Variants in CRISPLD2 observed in about 807,000 individuals in gnomAD.
The protein encoded by CRISPLD2 is cysteine rich secretory protein LCCL domain containing 2, also known as cysteine-rich secretory protein LCCL domain-containing 2.
A neutral mutation model predicts 71.1 loss-of-function variants in CRISPLD2; 47 were observed. The observed-to-expected ratio is 0.66, with a 90% CI of 0.52 to 0.84. The LOEUF (loss-of-function observed/expected upper bound fraction) is 0.84. Ranked by LOEUF, CRISPLD2 falls within the 40% of genes least tolerant of loss-of-function variation. The pLI, the probability that CRISPLD2 is intolerant of heterozygous loss-of-function variation, is 0.00. For missense variants in CRISPLD2, 830 were observed against 651.1 expected (o/e 1.27, Z -2.99); for synonymous variants, 317 against 250.1 (o/e 1.27, Z -2.52).
At chr16:84,880,413 C>T (rs189050085) in intron 12 of CRISPLD2, 96 bp from the exon 13 acceptor site, 164 of 938,250 alleles carry the variant, frequency 1.7e-4, no homozygotes, top group Middle Eastern at 2.3e-4. Context: ...CTTTCATCTA[C>T]GAACTTAAAT....
chr16:84,876,671 T>C (rs895300233), intron 11 of CRISPLD2, among the ~76,000 whole-genome samples: 14 of 151,686 alleles, frequency 9.2e-5, no homozygotes, highest in Non-Finnish European at 1.8e-4. Flanking sequence ...CAGGCGCCTC[T>C]AATCCCAGCT....
chr16:84,874,089 T>G (rs970264931), intron 11 of CRISPLD2, 126 bp downstream of exon 11: 6 of 857,446 alleles, frequency 7.0e-6, no homozygotes, highest in Non-Finnish European at 3.7e-6. Flanking sequence ...TTCTCATCAT[T>G]GTCAAGCCTT....
At chr16:84,848,460 T>TAA (rs33922205) in intron 3 of CRISPLD2, among the ~76,000 whole-genome samples, 70,098 of 144,744 alleles carry the variant, frequency 0.48, 17,758 homozygotes, top group Middle Eastern at 0.65. Flanking sequence ...CCCTAGTTAT[T>TAA]AAAAAAAAAA....
At chr16:84,867,852 C>T (rs1597467570) in intron 7 of CRISPLD2, among the ~76,000 whole-genome samples, 1 of 152,336 alleles carries the variant, frequency 6.6e-6, no homozygotes, top group East Asian at 1.9e-4. Context: ...CACCTCAGCT[C>T]CCCAAGCTTT....
At chr16:84,883,557 C>A (rs1356154080) in intron 13 of CRISPLD2, among the ~76,000 whole-genome samples, 1 of 152,180 alleles carries the variant, frequency 6.6e-6, no homozygotes, top group Non-Finnish European at 1.5e-5. Flanking sequence ...CAGAATCCAC[C>A]CCCGCGCCTG....
chr16:84,904,059 C>T (rs975636261), intron 14 of CRISPLD2, among the ~76,000 whole-genome samples: 1 of 152,128 alleles, frequency 6.6e-6, no homozygotes, highest in African/African-American at 2.4e-5. Context: ...GCCAGTTGGT[C>T]CAAAGGTGCA....
intron 3 of CRISPLD2, chr16:84,846,162 C>G (rs932403373): frequency 8.5e-6 from 3 of 352,860 alleles, no homozygotes; most frequent in Non-Finnish European, 1.5e-5. Context: ...TTCTTCCTTT[C>G]CTTCTTCCTT....
rs183136975 is a variant in CRISPLD2 at position 84,822,066 on chromosome 16, C to T, written c.-75+1933C>T. Among the ~76,000 whole-genome samples, 236 of 152,292 alleles carry T rather than the reference C, an allele frequency of 1.5e-3. 2 individuals carry two copies. The highest frequency in any genetic ancestry group is 5.1e-3 in the African/African-American group (213 of 41,564). On this transcript the variant is annotated intron_variant, in intron 1 of 14. Transcript: ENST00000262424. ...TTGCTGCTAGTTGAGGCTTTCTGTG[C>T]CATGTGGGAGTTTTTTTAACGTTGG... is the stretch of plus-strand genomic sequence containing the variant.
At chr16:84,869,005 C>G (rs1175319259) in intron 8 of CRISPLD2, 94 bp downstream of exon 8, 3 of 1,098,388 alleles carry the variant, frequency 2.7e-6, no homozygotes, top group African/African-American at 3.3e-5. Context: ...CTGGGCTGTC[C>G]TGCTGTTGCA....
At chr16:84,893,855 C>G (rs2071683286) in intron 14 of CRISPLD2, among the ~76,000 whole-genome samples, 1 of 152,194 alleles carries the variant, frequency 6.6e-6, no homozygotes, top group South Asian at 2.1e-4. Flanking sequence ...CTGTGGAAAC[C>G]CAGCCTGGAG....
intron 6 of CRISPLD2, among the ~76,000 whole-genome samples, chr16:84,863,973 A>T (rs1415351942): frequency 4.8e-5 from 7 of 146,946 alleles, no homozygotes; most frequent in African/African-American, 1.8e-4. Flanking sequence ...AAAAAAAAAA[A>T]AAGAAAGAAA....
At position 84,889,285 on chromosome 16, in the gene CRISPLD2, G is replaced by A. The variant is rs1396864570; in HGVS notation, c.1361G>A (p.Gly454Glu). The change falls in exon 14 of 15, where the codon GGG becomes GAG. Residue 454 changes from glycine to glutamate, a missense_variant. Coordinates refer to ENST00000262424, the MANE Select transcript of CRISPLD2 (RefSeq NM_031476.4). ...VHAGVISNES[G>E]GDVDVMPVDK... ...GCGGGAGTCATCAGCAACGAGAGTG[G>A]GGGTGACGTGGACGTGATGCCCGTG... 2 of 1,614,110 alleles carry A rather than the reference G, an allele frequency of 1.2e-6. No homozygotes were observed. The highest frequency in any genetic ancestry group is 1.1e-5 in the South Asian group (1 of 91,076).
chr16:84,831,516 C>A (rs557288036), intron 1 of CRISPLD2, among the ~76,000 whole-genome samples: 1 of 152,214 alleles, frequency 6.6e-6, no homozygotes, highest in African/African-American at 2.4e-5. Context: ...GTCTCAGCCC[C>A]TCCACGAGTA....
intron 14 of CRISPLD2, among the ~76,000 whole-genome samples, chr16:84,902,999 T>C (rs2071769146): frequency 6.6e-6 from 1 of 151,810 alleles, no homozygotes; most frequent in South Asian, 2.1e-4. Context: ...AACTCCTGAC[T>C]TCAAGTGATC....
At chr16:84,866,636 C>T (rs1477005354) in intron 6 of CRISPLD2, among the ~76,000 whole-genome samples, 1 of 152,112 alleles carries the variant, frequency 6.6e-6, no homozygotes, top group Non-Finnish European at 1.5e-5. Flanking sequence ...GGCGTGGGGC[C>T]TGCTAACCTC....
At chr16:84,903,419 C>G (rs1205435321) in intron 14 of CRISPLD2, among the ~76,000 whole-genome samples, 1 of 152,046 alleles carries the variant, frequency 6.6e-6, no homozygotes, top group Non-Finnish European at 1.5e-5. Flanking sequence ...TGGTGACACC[C>G]CATCTCTACA....
Position 84,895,110 on chromosome 16 carries a change from G to A in CRISPLD2, c.1439+5747G>A, listed in dbSNP as rs191492437. On this transcript the variant is annotated intron_variant, in intron 14 of 14. Coordinates refer to ENST00000262424, the MANE Select transcript of CRISPLD2 (RefSeq NM_031476.4). ...CCAAACTTCCACCAGCTCTGCACACGTTAGCACATCTCATTCCCCAACAGC... is the reference window on the plus strand; with the variant it reads ...CCAAACTTCCACCAGCTCTGCACACATTAGCACATCTCATTCCCCAACAGC... 2.5e-4 allele frequency among the ~76,000 whole-genome samples: 25 copies of A among 101,266 alleles called. No individual in the cohort carries two copies. In the East Asian group the frequency reaches 5.8e-3, roughly 23 times the overall value. 66.4% of individuals were successfully genotyped at this position (101,266 alleles called of 152,430 possible). A position where few individuals can be genotyped will look rare whatever the true frequency, so the allele number is the denominator to read the frequency against.
intron 2 of CRISPLD2, among the ~76,000 whole-genome samples, chr16:84,841,195 A>C (rs1916761386): frequency 6.6e-6 from 1 of 152,212 alleles, no homozygotes; most frequent in South Asian, 2.1e-4. Flanking sequence ...AGGGAGGAGT[A>C]AGGGTGGCCC....
intron 13 of CRISPLD2, among the ~76,000 whole-genome samples, chr16:84,882,377 A>G (rs1165216691): frequency 6.7e-6 from 1 of 149,562 alleles, no homozygotes; most frequent in Non-Finnish European, 1.5e-5. Flanking sequence ...AAAAAGCAAG[A>G]ACTTAATGGA....
Sources: allele counts gnomAD v4.1 joint callset (sites outside exome capture counted in the v4.1 genomes callset), GRCh38; gene constraint gnomAD v4.1.1; transcripts MANE v1.5; gene names NCBI Gene and HGNC (gene_info 2026-07-23, HGNC 2026-07-21).